ZZEF1: variants seen among roughly 807,000 people sequenced by gnomAD.
ZZEF1 encodes zinc finger ZZ-type and EF-hand domain containing 1.
ZZEF1 carries 157 observed loss-of-function variants against 342.8 expected under a neutral mutation model. That is an observed-to-expected ratio of 0.46 (90% CI 0.40 to 0.52). The LOEUF (loss-of-function observed/expected upper bound fraction) is 0.52. Among genes scored for constraint, ZZEF1 ranks in the 20% least tolerant of loss-of-function variants. The pLI, the probability that ZZEF1 is intolerant of heterozygous loss-of-function variation, is 0.00. For synonymous variants in ZZEF1, 1,505 were observed against 1,429.1 expected, an observed-to-expected ratio of 1.05 and a Z score of -1.20; for missense variants, 3,480 against 3,725.6, an observed-to-expected ratio of 0.93 and a Z score of 1.72.
At chr17:4,125,116 G>A (rs947539028) in intron 1 of ZZEF1, among the ~76,000 whole-genome samples, 2 of 152,066 alleles carry the variant, frequency 1.3e-5, no homozygotes, top group Non-Finnish European at 2.9e-5. Context: ...ACCCTCTGGT[G>A]TCCCTGACCC....
intron 18 of ZZEF1, among the ~76,000 whole-genome samples, chr17:4,080,779 C>T (rs942168648): frequency 3.9e-5 from 6 of 152,176 alleles, no homozygotes; most frequent in African/African-American, 1.4e-4. Context: ...ACAACCACTA[C>T]AAGGGGACTT....
chr17:4,115,461 G>A (rs1331387602), intron 3 of ZZEF1, among the ~76,000 whole-genome samples: 2 of 152,020 alleles, frequency 1.3e-5, no homozygotes, highest in Non-Finnish European at 1.5e-5. Flanking sequence ...TCAGGAGGTC[G>A]AGACCAGCCT....
rs537852863 is a variant in ZZEF1 at position 4,069,813 on chromosome 17, A to G, written c.4075+871T>C. On this transcript the variant is annotated intron_variant, in intron 26 of 54. Transcript: ENST00000381638. ...GCCACTGCACTCCAGGCTGGGTGAC[A>G]GAGTGAGACTCCGTCTCAAAAAGTA... Among the ~76,000 whole-genome samples, 10 of 152,318 alleles carry G rather than the reference A, an allele frequency of 6.6e-5. No individual in the cohort carries two copies. In the South Asian group the frequency reaches 2.1e-3, roughly 32 times the overall value.
Position 4,081,409 on chromosome 17 carries a change from G to A in ZZEF1, c.2796C>T (p.Val932=). 6.2e-7 allele frequency: 1 copy of A among 1,613,816 alleles called. No individual in the cohort carries two copies. The highest frequency in any genetic ancestry group is 8.5e-7 in the Non-Finnish European group (1 of 1,180,016). Residue 932 remains valine (V), a synonymous_variant, in exon 18 of 55, where the codon GTC becomes GTT. Transcript: ENST00000381638. ...AKMNISEVLA[V]MDTLVSVAAR... ...CAGCAACAGAGACGAGAGTGTCCAT[G>A]ACCGCCAGGACTTCACTGATGTTCA...
Position 4,016,106 on chromosome 17 carries a change from G to GA in ZZEF1, c.8145+216dup, listed in dbSNP as rs2056093350. Among the ~76,000 whole-genome samples, 1 of 152,184 alleles carries GA rather than the reference G, an allele frequency of 6.6e-6. No individual in the cohort carries two copies. Among genetic ancestry groups the GA allele is most frequent in the Admixed American group, 6.5e-5 (1 of 15,276 alleles). ...GGCCCATTTTCTTCTATTAAAACAAGAAAAGTCCGGAGAAGAGAAGACTTG... is the reference window on the plus strand; with the variant it reads ...GGCCCATTTTCTTCTATTAAAACAAGAAAAAGTCCGGAGAAGAGAAGACTTG... On this transcript the variant is annotated intron_variant, in intron 49 of 54. Transcript: ENST00000381638. This position sits in a 1 kb window ranked among gnomAD's most constrained non-coding sequence, Gnocchi z 4.4.
At chr17:4,031,214 G>C (rs893591746) in intron 42 of ZZEF1, among the ~76,000 whole-genome samples, 5 of 152,076 alleles carry the variant, frequency 3.3e-5, no homozygotes, top group African/African-American at 1.2e-4. Flanking sequence ...TACTTGGAAG[G>C]CTGAGGCAGA....
intron 13 of ZZEF1, among the ~76,000 whole-genome samples, chr17:4,087,783 AACACACACACACAC>A (rs10522603): frequency 5.5e-5 from 8 of 145,988 alleles, no homozygotes; most frequent in East Asian, 4.0e-4. Context: ...ATATACACAC[AACACACACACACAC>A]ACACACACAC....
chr17:4,102,336 A>C lies in ZZEF1; in HGVS notation c.1653T>G (p.Val551=), dbSNP rs2058140431. 1 of 1,613,724 alleles carries C rather than the reference A, an allele frequency of 6.2e-7. No homozygotes were observed. Among genetic ancestry groups the C allele is most frequent in the African/African-American group, 1.3e-5 (1 of 74,908 alleles). ...EDKSGPENLL[V]EPWTRDGFLT... ...ACTCACCATCCCTTGTCCACGGTTC[A>C]ACAAGGAGGTTTTCGGGTCCAGACT... is the stretch of plus-strand genomic sequence containing the variant. Residue 551 remains valine, a synonymous_variant, in exon 9 of 55, where the codon GTT becomes GTG. Coordinates refer to ENST00000381638, the MANE Select transcript of ZZEF1 (RefSeq NM_015113.4).
At chr17:4,053,928 GA>G in intron 34 of ZZEF1, 128 bp downstream of exon 34, 1 of 1,047,390 alleles carries the variant, frequency 9.5e-7, no homozygotes, top group Non-Finnish European at 1.4e-6. Flanking sequence ...TGTTCGCCAA[GA>G]AGTCAGAGAA....
intron 9 of ZZEF1, among the ~76,000 whole-genome samples, chr17:4,100,489 T>A (rs558858891): frequency 6.6e-6 from 1 of 152,128 alleles, no homozygotes; most frequent in Non-Finnish European, 1.5e-5. Context: ...ACTGGGTAGG[T>A]AAAAGACACA....
chr17:4,095,087 T>A (rs1194173104), intron 11 of ZZEF1, among the ~76,000 whole-genome samples: 9 of 152,248 alleles, frequency 5.9e-5, no homozygotes, highest in African/African-American at 2.2e-4. Context: ...TCCAGCTGCA[T>A]CTCTCATCAC....
intron 39 of ZZEF1, among the ~76,000 whole-genome samples, chr17:4,036,817 ACTCTCTCTCT>A (rs368445866): frequency 0.01 from 757 of 72,528 alleles, 8 homozygotes; most frequent in East Asian, 0.041. Context: ...ACACACACAC[ACTCTCTCTCT>A]CTCTCTCTCT....
At chr17:4,062,035 C>G (rs541629951) in intron 30 of ZZEF1, among the ~76,000 whole-genome samples, 92 of 152,260 alleles carry the variant, frequency 6.0e-4, no homozygotes, top group Non-Finnish European at 9.8e-4. Context: ...AGGGTCCTGC[C>G]TTTCTCACCT....
intron 29 of ZZEF1, among the ~76,000 whole-genome samples, chr17:4,063,886 C>A (rs1001783132): frequency 6.6e-6 from 1 of 152,066 alleles, no homozygotes; most frequent in Non-Finnish European, 1.5e-5. Flanking sequence ...CACCACTACG[C>A]CCAGCTAATT....
At chr17:4,078,160 A>C (rs893713196) in intron 18 of ZZEF1, 118 bp from the exon 19 acceptor site, 1 of 1,087,752 alleles carries the variant, frequency 9.2e-7, no homozygotes, top group Non-Finnish European at 1.3e-6. Context: ...GCCACGGAAA[A>C]GTCATGAAAC....
At chr17:4,075,647 A>C (rs1190563173) in intron 21 of ZZEF1, among the ~76,000 whole-genome samples, 3 of 152,198 alleles carry the variant, frequency 2.0e-5, no homozygotes, top group Admixed American at 1.3e-4. Flanking sequence ...ATTACACACA[A>C]AAACTCCATG....
At chr17:4,045,824 GTTC>G (rs2056900505) in intron 37 of ZZEF1, among the ~76,000 whole-genome samples, 1 of 135,934 alleles carries the variant, frequency 7.4e-6, no homozygotes, top group Admixed American at 8.0e-5. Context: ...CTGTTTTTTT[GTTC>G]TTGTTTTTTT....
chr17:4,029,295 G>GA (rs1243044092), intron 42 of ZZEF1, among the ~76,000 whole-genome samples: 2 of 151,712 alleles, frequency 1.3e-5, no homozygotes, highest in Admixed American at 6.6e-5. Context: ...AATTAAACCT[G>GA]AAATCAACAA....
intron 33 of ZZEF1, among the ~76,000 whole-genome samples, chr17:4,054,993 C>A (rs1008849964): frequency 9.2e-5 from 14 of 152,124 alleles, no homozygotes; most frequent in Admixed American, 9.2e-4. Flanking sequence ...GGCTTGGGTA[C>A]GTGGTTGGAC....
Sources: allele counts gnomAD v4.1 joint callset (sites outside exome capture counted in the v4.1 genomes callset), GRCh38; gene constraint gnomAD v4.1.1; non-coding constraint Gnocchi (gnomAD v3.1); transcripts MANE v1.5; gene names NCBI Gene and HGNC (gene_info 2026-07-23, HGNC 2026-07-21).